TAS2R1: variants seen among roughly 807,000 people sequenced by gnomAD.
TAS2R1 encodes the protein taste 2 receptor member 1.
For synonymous variants in TAS2R1, 141 were observed against 134.2 expected (o/e 1.05, Z -0.35); for missense variants, 370 against 353.4 (o/e 1.05, Z -0.38).
chr5:9,753,127 G>A, the TAS2R1 span, among the ~76,000 whole-genome samples: 1 of 152,172 alleles, frequency 6.6e-6, no homozygotes, highest in African/African-American at 2.4e-5. Context: ...TCGCCACACT[G>A]ACTTCCACAA....
chr5:9,733,617 G>A, the TAS2R1 span, among the ~76,000 whole-genome samples: 1 of 152,202 alleles, frequency 6.6e-6, no homozygotes, highest in Non-Finnish European at 1.5e-5. Flanking sequence ...TCTGGCCTTA[G>A]ACAACTGTTA....
the TAS2R1 span, among the ~76,000 whole-genome samples, chr5:9,826,900 C>G: frequency 6.6e-6 from 1 of 152,118 alleles, no homozygotes; most frequent in African/African-American, 2.4e-5. Flanking sequence ...CAATGCTGCT[C>G]CTTCTCACCA....
chr5:9,850,291 T>C, the TAS2R1 span, among the ~76,000 whole-genome samples: 1 of 152,242 alleles, frequency 6.6e-6, no homozygotes, highest in Non-Finnish European at 1.5e-5. Flanking sequence ...ACAAGCCTCT[T>C]AAAGCTAGGG....
chr5:9,845,634 A>G, the TAS2R1 span, among the ~76,000 whole-genome samples: 1 of 152,222 alleles, frequency 6.6e-6, no homozygotes, highest in African/African-American at 2.4e-5. Context: ...GCTAGATATC[A>G]TATCAGGAAA....
At chr5:9,813,082 T>C in the TAS2R1 span, among the ~76,000 whole-genome samples, 1 of 152,176 alleles carries the variant, frequency 6.6e-6, no homozygotes, top group Non-Finnish European at 1.5e-5. Flanking sequence ...CAAGTTAAAA[T>C]GAGGTCATTT....
chr5:9,829,684 A>T, the TAS2R1 span, among the ~76,000 whole-genome samples: 252 of 152,320 alleles, frequency 1.7e-3, 2 homozygotes, highest in African/African-American at 5.8e-3. Context: ...CTGAGGGCTT[A>T]AGCCATGGGC....
the TAS2R1 span, among the ~76,000 whole-genome samples, chr5:9,844,971 GC>G: frequency 2.3e-3 from 346 of 152,190 alleles, no homozygotes; most frequent in Non-Finnish European, 4.1e-3. Flanking sequence ...GACATAAAAG[GC>G]CCTCTGTGAC....
At chr5:9,769,762 T>C in the TAS2R1 span, among the ~76,000 whole-genome samples, 3 of 152,220 alleles carry the variant, frequency 2.0e-5, no homozygotes, top group Admixed American at 6.6e-5. Flanking sequence ...ACTGGATTGT[T>C]AGATTTTTTT....
chr5:9,653,418 A>G (rs945919248), intron 2 of TAS2R1, among the ~76,000 whole-genome samples: 1 of 152,098 alleles, frequency 6.6e-6, no homozygotes, highest in African/African-American at 2.4e-5. Flanking sequence ...TCATTTGTTG[A>G]TGGATGCTTG....
upstream of TAS2R1, among the ~76,000 whole-genome samples, chr5:9,715,423 T>C (rs536986267): frequency 6.6e-6 from 1 of 152,318 alleles, no homozygotes; most frequent in Non-Finnish European, 1.5e-5. Context: ...GCTGTGGGTA[T>C]GAGGCCATTG....
chr5:9,728,049 T>C, the TAS2R1 span, among the ~76,000 whole-genome samples: 1 of 152,148 alleles, frequency 6.6e-6, no homozygotes, highest in South Asian at 2.1e-4. Flanking sequence ...GAGTCTGAAC[T>C]CTGAAGGGAC....
chr5:9,852,850 A>ATATAT, the TAS2R1 span, among the ~76,000 whole-genome samples: 1 of 139,708 alleles, frequency 7.2e-6, no homozygotes, highest in African/African-American at 3.1e-5. Flanking sequence ...AGGAAAAAAA[A>ATATAT]AAATATATAT....
the TAS2R1 span, among the ~76,000 whole-genome samples, chr5:9,848,137 G>C: frequency 5.1e-4 from 77 of 152,298 alleles, no homozygotes; most frequent in African/African-American, 1.8e-3. Context: ...CACTGATCAA[G>C]AACCTGAAGT....
chr5:9,749,141 T>C, the TAS2R1 span, among the ~76,000 whole-genome samples: 13 of 152,174 alleles, frequency 8.5e-5, no homozygotes, highest in African/African-American at 2.7e-4. Flanking sequence ...ATACAGAATT[T>C]TACTCAGAAG....
chr5:9,629,049 G>C lies in TAS2R1; in HGVS notation c.*84C>G, dbSNP rs1268721552. 2.9e-6 allele frequency: 4 copies of C among 1,393,454 alleles called. No individual in the cohort carries two copies. The highest frequency in any genetic ancestry group is 4.6e-5 in the East Asian group (2 of 43,364). The allele number at this position is 1,393,454 out of a possible 1,614,324, so 86.3% of individuals were successfully genotyped here. On this transcript the variant is annotated 3_prime_UTR_variant, in exon 1 of 1. Transcript: ENST00000382492. Reference sequence around the variant, plus strand: ...GGACATGTTGTATATTTATGAACAGGCTGCTTTGTCTGGCTGAGGGAAGTG... The same window carrying C: ...GGACATGTTGTATATTTATGAACAGCCTGCTTTGTCTGGCTGAGGGAAGTG...
chr5:9,831,625 T>G, the TAS2R1 span, among the ~76,000 whole-genome samples: 3 of 151,962 alleles, frequency 2.0e-5, no homozygotes, highest in Non-Finnish European at 4.4e-5. Context: ...GTTTCTGTTT[T>G]TTTTTCAAAT....
At chr5:9,858,042 G>A in the TAS2R1 span, among the ~76,000 whole-genome samples, 1 of 152,024 alleles carries the variant, frequency 6.6e-6, no homozygotes, top group African/African-American at 2.4e-5. Flanking sequence ...CAGTGCTGGG[G>A]GTGGTCTGGA....
At chr5:9,887,732 A>G in the TAS2R1 span, among the ~76,000 whole-genome samples, 1 of 152,230 alleles carries the variant, frequency 6.6e-6, no homozygotes, top group Non-Finnish European at 1.5e-5. Context: ...CGAGGAGCTC[A>G]CAGGGAGAAA....
At position 9,629,787 on chromosome 5, in the gene TAS2R1, A is replaced by C. The variant is rs987829477; in HGVS notation, c.246T>G (p.Cys82Trp). The change falls in exon 1 of 1, where the codon TGT becomes TGG. Residue 82 changes from cysteine to tryptophan, a missense_variant. Physicochemically the swap from Cys to Trp is radical, Grantham distance 215. Coordinates refer to ENST00000382492, the MANE Select transcript of TAS2R1 (RefSeq NM_019599.3). ...FIEFIMCSAN[C>W]AILLFINELE... ...ATTCATTTATAAATAAGAGAATTGC[A>C]CAATTCGCAGAACACATGATGAATT... is the stretch of plus-strand genomic sequence containing the variant. The C allele has an allele frequency of 6.2e-7, 1 of 1,613,974 alleles. No homozygotes were observed. Among genetic ancestry groups the C allele is most frequent in the Admixed American group, 1.7e-5 (1 of 59,980 alleles).
Sources: allele counts gnomAD v4.1 joint callset (sites outside exome capture counted in the v4.1 genomes callset), GRCh38; gene constraint gnomAD v4.1.1; transcripts MANE v1.5; gene names NCBI Gene and HGNC (gene_info 2026-07-23, HGNC 2026-07-21).